LRTM3: variants seen among roughly 807,000 people sequenced by gnomAD.
LRTM3 encodes the protein leucine-rich repeat transmembrane protein 3.
chr13:102,749,466 T>C, the LRTM3 span: 1 of 1,551,364 alleles, frequency 6.4e-7, no homozygotes, highest in South Asian at 1.2e-5. Flanking sequence ...TGCCCCTTAA[T>C]TGAATATTTA....
the LRTM3 span, chr13:102,729,989 ATCT>A: frequency 1.4e-5 from 22 of 1,551,750 alleles, no homozygotes; most frequent in Non-Finnish European, 1.8e-5. Flanking sequence ...AGTCCATGAA[ATCT>A]TCTCTTCACT....
At chr13:102,734,260 C>T in the LRTM3 span, 58 of 1,551,280 alleles carry the variant, frequency 3.7e-5, no homozygotes, top group Non-Finnish European at 4.7e-5. Context: ...CATCACCACT[C>T]CTTGCCTCTG....
chr13:102,743,405 A>T, the LRTM3 span: 1 of 1,550,552 alleles, frequency 6.4e-7, no homozygotes, highest in South Asian at 1.2e-5. Flanking sequence ...ACCTTGCCAC[A>T]TTGCTTTCAG....
chr13:102,750,260 T>A, the LRTM3 span: 1 of 1,551,234 alleles, frequency 6.4e-7, no homozygotes, highest in Non-Finnish European at 8.7e-7. Flanking sequence ...GGGACTTACT[T>A]GATCTTCACT....
chr13:102,731,579 G>C, the LRTM3 span: 2 of 1,551,348 alleles, frequency 1.3e-6, no homozygotes, highest in Admixed American at 3.9e-5. Context: ...AGGCTTATAG[G>C]CTTGTATGTT....
At chr13:102,732,005 C>T in the LRTM3 span, 1 of 1,551,280 alleles carries the variant, frequency 6.4e-7, no homozygotes, top group Non-Finnish European at 8.7e-7. Flanking sequence ...ATTCATTTCA[C>T]TTCTGAGGTT....
chr13:102,754,426 T>A, the LRTM3 span, among the ~76,000 whole-genome samples: 3 of 151,988 alleles, frequency 2.0e-5, no homozygotes, highest in East Asian at 1.9e-4. Flanking sequence ...TGCTGATGAG[T>A]CTCAAGGGCC....
At chr13:102,741,994 A>G in the LRTM3 span, 3 of 1,550,608 alleles carry the variant, frequency 1.9e-6, no homozygotes, top group East Asian at 7.3e-5. Context: ...ACATATCAGT[A>G]CAACCTGACA....
chr13:102,740,080 T>A, the LRTM3 span: 10 of 1,549,610 alleles, frequency 6.5e-6, no homozygotes, highest in Non-Finnish European at 8.7e-6. Flanking sequence ...GAGAATGTAA[T>A]GTTATAGGCA....
At chr13:102,749,802 A>G in the LRTM3 span, 2 of 1,551,438 alleles carry the variant, frequency 1.3e-6, no homozygotes, top group Admixed American at 2.0e-5. Context: ...TGTCCTGGAA[A>G]AGAATCCTGT....
the LRTM3 span, chr13:102,734,614 C>T: frequency 9.7e-6 from 15 of 1,550,750 alleles, no homozygotes; most frequent in African/African-American, 1.4e-5. Context: ...GGATATGTTG[C>T]TTTTCATTTT....
chr13:102,730,909 T>C, the LRTM3 span: 3 of 1,551,324 alleles, frequency 1.9e-6, no homozygotes, highest in Non-Finnish European at 2.6e-6. Flanking sequence ...TTTGTCGTTT[T>C]GGTCCTGTGA....
chr13:102,755,655 G>C, the LRTM3 span, among the ~76,000 whole-genome samples: 3 of 152,006 alleles, frequency 2.0e-5, no homozygotes, highest in East Asian at 5.8e-4. Flanking sequence ...TTTCGGGGAT[G>C]GGGGACGAGG....
the LRTM3 span, chr13:102,734,768 G>A: frequency 5.2e-6 from 8 of 1,551,124 alleles, no homozygotes; most frequent in Non-Finnish European, 7.0e-6. Context: ...TTGAGATAGA[G>A]ATGGCAATGA....
At chr13:102,733,537 G>T in the LRTM3 span, 3 of 1,551,248 alleles carry the variant, frequency 1.9e-6, no homozygotes, top group Non-Finnish European at 2.6e-6. Context: ...TATGGTTTAA[G>T]TTATCCATTA....
chr13:102,740,070 G>A, the LRTM3 span: 1 of 1,550,068 alleles, frequency 6.5e-7, no homozygotes, highest in East Asian at 2.4e-5. Flanking sequence ...GATGCAGAAA[G>A]AGAATGTAAT....
the LRTM3 span, chr13:102,742,529 G>A: frequency 1.3e-6 from 2 of 1,550,426 alleles, no homozygotes; most frequent in African/African-American, 2.7e-5. Flanking sequence ...GAAAAAAACA[G>A]ATTCTGGATT....
chr13:102,744,095 A>G, the LRTM3 span: 1 of 1,550,616 alleles, frequency 6.4e-7, no homozygotes, highest in South Asian at 1.2e-5. Flanking sequence ...TGCCTCTCCT[A>G]TACTTGTGTA....
the LRTM3 span, chr13:102,733,134 A>T: frequency 1.3e-6 from 2 of 1,551,432 alleles, no homozygotes; most frequent in Non-Finnish European, 1.7e-6. Flanking sequence ...TGAAGGGGAA[A>T]CTTAGAAAGG....
Sources: gnomAD v4.1 joint callset for allele counts (sites outside exome capture counted in the v4.1 genomes callset) on GRCh38, gnomAD v4.1.1 for gene constraint, MANE v1.5 for transcripts, NCBI Gene and HGNC (gene_info 2026-07-23, HGNC 2026-07-21) for gene names.